Variants in GRIA2 observed in about 807,000 individuals in gnomAD.
GRIA2 encodes the protein glutamate receptor 2.
Under a neutral mutation model 97.3 loss-of-function variants are expected in GRIA2, and 14 were observed. The observed-to-expected ratio is 0.14, with a 90% CI of 0.10 to 0.23. The LOEUF (loss-of-function observed/expected upper bound fraction) is 0.23, where lower values mean the gene tolerates loss of function less well. Ranked by LOEUF, GRIA2 falls within the 10% of genes least tolerant of loss-of-function variation. GRIA2 has a pLI of 1.00. For missense variants in GRIA2, 558 were observed against 1,069.8 expected (o/e 0.52, Z 6.67); for synonymous variants, 412 against 387.8 (o/e 1.06, Z -0.73).
chr4:157,303,916 T>C (rs1399927483), intron 3 of GRIA2, 125 bp downstream of exon 3: 3 of 936,760 alleles, frequency 3.2e-6, no homozygotes, highest in Non-Finnish European at 4.9e-6. Context: ...TTAATTTTGC[T>C]GTGATAATGA....
intron 11 of GRIA2, among the ~76,000 whole-genome samples, chr4:157,339,402 C>T (rs751373271): frequency 3.3e-5 from 5 of 151,898 alleles, no homozygotes; most frequent in Non-Finnish European, 5.9e-5. Context: ...ATTTCCTTCT[C>T]TGCATAATTT....
intron 12 of GRIA2, among the ~76,000 whole-genome samples, chr4:157,355,823 A>C (rs1420276431): frequency 1.8e-4 from 14 of 79,616 alleles, no homozygotes; most frequent in African/African-American, 5.9e-4. Context: ...AGTTATATAT[A>C]TTTATATATA....
intron 2 of GRIA2, among the ~76,000 whole-genome samples, chr4:157,289,931 C>A (rs1343285196): frequency 6.6e-6 from 1 of 151,778 alleles, no homozygotes; most frequent in Non-Finnish European, 1.5e-5. Flanking sequence ...CGTTTTCTAG[C>A]TGCTTCTAGA....
At chr4:157,238,248 G>A (rs960961694) in intron 2 of GRIA2, among the ~76,000 whole-genome samples, 1 of 152,032 alleles carries the variant, frequency 6.6e-6, no homozygotes, top group Non-Finnish European at 1.5e-5. Flanking sequence ...GCCTTATGGT[G>A]CATGTCATAA....
chr4:157,358,635 A>C (rs1156366668), intron 12 of GRIA2, among the ~76,000 whole-genome samples: 1 of 152,132 alleles, frequency 6.6e-6, no homozygotes. Context: ...GCCTGTCTCA[A>C]TACAACAGCC....
At chr4:157,229,594 T>C (rs1204920379) in intron 2 of GRIA2, among the ~76,000 whole-genome samples, 2 of 152,226 alleles carry the variant, frequency 1.3e-5, no homozygotes, top group Non-Finnish European at 2.9e-5. Context: ...GTAATGTTTA[T>C]AGTTTTACTA....
chr4:157,280,633 G>T (rs539175211), intron 2 of GRIA2, among the ~76,000 whole-genome samples: 1 of 151,902 alleles, frequency 6.6e-6, no homozygotes, highest in African/African-American at 2.4e-5. Flanking sequence ...TCGTGTGTGC[G>T]TGCATGTATA....
At chr4:157,322,270 TGTGTGTG>T (rs1734611268) in intron 6 of GRIA2, among the ~76,000 whole-genome samples, 1 of 150,560 alleles carries the variant, frequency 6.6e-6, no homozygotes, top group Non-Finnish European at 1.5e-5. Flanking sequence ...TGTGTGTGTG[TGTGTGTG>T]TGTGTATAAA....
chr4:157,300,923 T>C (rs1733587889), intron 2 of GRIA2, among the ~76,000 whole-genome samples: 1 of 152,166 alleles, frequency 6.6e-6, no homozygotes, highest in African/African-American at 2.4e-5. Context: ...TGGCTCCTTA[T>C]TAAGCTTGTC....
chr4:157,363,228 C>T (rs1177721358), intron 15 of GRIA2, 181 bp downstream of exon 15: 2 of 709,300 alleles, frequency 2.8e-6, no homozygotes, highest in African/African-American at 3.6e-5. Context: ...TCTTTAATGG[C>T]ACAGTAGCTT....
At chr4:157,363,115 T>C in intron 15 of GRIA2, 68 bp downstream of exon 15, 1 of 1,475,340 alleles carries the variant, frequency 6.8e-7, no homozygotes. Context: ...CCTTAAGCTC[T>C]TTTAAATAAG....
At chr4:157,350,306 T>C (rs1443155896) in intron 12 of GRIA2, among the ~76,000 whole-genome samples, 2 of 152,162 alleles carry the variant, frequency 1.3e-5, no homozygotes, top group African/African-American at 4.8e-5. Flanking sequence ...AAACCCTTGT[T>C]ATGGTTTTCA....
chr4:157,283,996 G>A (rs1044638205), intron 2 of GRIA2, among the ~76,000 whole-genome samples: 3 of 151,828 alleles, frequency 2.0e-5, no homozygotes, highest in African/African-American at 4.8e-5. Flanking sequence ...TAATATTGCA[G>A]CATTAATATA....
intron 2 of GRIA2, among the ~76,000 whole-genome samples, chr4:157,296,879 TA>T (rs1211975512): frequency 4.6e-5 from 7 of 152,122 alleles, no homozygotes; most frequent in Non-Finnish European, 8.8e-5. Flanking sequence ...TCCTTTCAAT[TA>T]GCTCACAGTT....
chr4:157,287,331 T>C (rs1732889223), intron 2 of GRIA2, among the ~76,000 whole-genome samples: 1 of 151,762 alleles, frequency 6.6e-6, no homozygotes, highest in African/African-American at 2.4e-5. Flanking sequence ...TATTTTACAT[T>C]GTGCATCTGA....
rs569428696 is a variant in GRIA2, at chr4:157,257,801, G to A, written c.229+35994G>A. 5.3e-5 allele frequency among the ~76,000 whole-genome samples: 8 copies of A among 152,188 alleles called. No homozygotes were observed. In the East Asian group the frequency reaches 1.5e-3, roughly 29 times the overall value. ...AGTATTACTGATTCTTTTAAAAAAT[G>A]TTAGAGTTCCTGTTGCGGGAAGTCA... On this transcript the variant is annotated intron_variant, in intron 2 of 15. Transcript: ENST00000264426.
chr4:157,313,077 T>C (rs888776162), intron 4 of GRIA2, among the ~76,000 whole-genome samples: 1 of 152,186 alleles, frequency 6.6e-6, no homozygotes, highest in Non-Finnish European at 1.5e-5. Context: ...TGGCACATCA[T>C]GTTAATCATT....
At chr4:157,319,830 T>TTA (rs1259948879) in intron 5 of GRIA2, among the ~76,000 whole-genome samples, 5 of 152,120 alleles carry the variant, frequency 3.3e-5, no homozygotes, top group Admixed American at 2.0e-4. Flanking sequence ...CAGTGTATAA[T>TTA]TAAGTCCCTT....
intron 2 of GRIA2, among the ~76,000 whole-genome samples, chr4:157,255,264 T>TAC (rs139422148): frequency 0.19 from 29,316 of 151,236 alleles, 3,164 homozygotes; most frequent in African/African-American, 0.3. Context: ...TATGGCTGAA[T>TAC]ACACACACAC....
Sources: gnomAD v4.1 joint callset for allele counts (sites outside exome capture counted in the v4.1 genomes callset) on GRCh38, gnomAD v4.1.1 for gene constraint, MANE v1.5 for transcripts, NCBI Gene and HGNC (gene_info 2026-07-23, HGNC 2026-07-21) for gene names.